The following CAMTA1 variants were observed in gnomAD, a reference collection of about 807,000 sequenced individuals.
CAMTA1 encodes calmodulin binding transcription activator 1.
A neutral mutation model predicts 170.9 loss-of-function variants in CAMTA1; 27 were observed. The ratio of observed to expected loss-of-function variants is 0.16; its 90% CI spans 0.12 to 0.22. The LOEUF is 0.22. CAMTA1 is among the 10% of genes least tolerant of loss of function. The pLI is 1.00. For synonymous variants in CAMTA1, 833 were observed against 891.5 expected (o/e 0.93, Z 1.17); for missense variants, 1,619 against 2,217.2 (o/e 0.73, Z 5.42).
chr1:6,979,995 G>A (rs1293449411), intron 3 of CAMTA1, among the ~76,000 whole-genome samples: 1 of 152,082 alleles, frequency 6.6e-6, no homozygotes, highest in Non-Finnish European at 1.5e-5. Context: ...ATAGAAAAAC[G>A]CACCCCCATC....
rs527378213 is a variant in CAMTA1, at chr1:7,308,544, T to C, written c.438+58918T>C. 2.0e-5 allele frequency among the ~76,000 whole-genome samples: 3 copies of C among 152,328 alleles called. No individual in the cohort carries two copies. In the South Asian group the frequency reaches 6.2e-4, roughly 32 times the overall value. ...GTATCCCACAGATTTTGATACATTA[T>C]ATTTTTATTGTTTGATCAGTTAAAA... On this transcript the variant is annotated intron_variant, in intron 5 of 22. Coordinates refer to ENST00000303635, the MANE Select transcript of CAMTA1 (RefSeq NM_015215.4).
chr1:6,928,219 G>A (rs1232296515), intron 3 of CAMTA1, among the ~76,000 whole-genome samples: 3 of 152,226 alleles, frequency 2.0e-5, no homozygotes, highest in South Asian at 2.1e-4. Flanking sequence ...CCACGCTGCT[G>A]ATGCTAACAG....
At chr1:7,386,588 C>T (rs2088019302) in intron 5 of CAMTA1, among the ~76,000 whole-genome samples, 2 of 152,170 alleles carry the variant, frequency 1.3e-5, no homozygotes, top group South Asian at 4.1e-4. Flanking sequence ...GCAGCGATGC[C>T]TCCCTTCCTC....
At position 7,634,963 on chromosome 1, in the gene CAMTA1, C is replaced by A. The variant is rs1305861421; in HGVS notation, c.511-5437C>A. Among the ~76,000 whole-genome samples the A allele has an allele frequency of 6.6e-6, 1 of 152,138 alleles. No individual in the cohort carries two copies. Among genetic ancestry groups the A allele is most frequent in the East Asian group, 1.9e-4 (1 of 5,162 alleles). On this transcript the variant is annotated intron_variant, in intron 6 of 22. Transcript: ENST00000303635. The surrounding 1 kb of genome is among the most constrained non-coding windows in gnomAD (Gnocchi z 6.2). ...AGGCACCAAGAGGGAGGAGGGATCC[C>A]CTCGTCCACGGCTCTTCCAGAAGGC...
At chr1:7,619,248 G>A (rs548462645) in intron 6 of CAMTA1, among the ~76,000 whole-genome samples, 8 of 152,322 alleles carry the variant, frequency 5.3e-5, no homozygotes, top group African/African-American at 1.9e-4. Flanking sequence ...ACTCAAATTG[G>A]CCTAAGCAAT....
intron 3 of CAMTA1, among the ~76,000 whole-genome samples, chr1:6,943,853 A>G (rs1283243196): frequency 9.5e-6 from 1 of 104,718 alleles, no homozygotes; most frequent in Non-Finnish European, 2.3e-5. Context: ...TCTCAAAAAA[A>G]AAAAAAAAAA....
At position 6,798,119 on chromosome 1, in the gene CAMTA1, C is replaced by G. The variant is rs116098733; in HGVS notation, c.45+12544C>G. Among the ~76,000 whole-genome samples the G allele has an allele frequency of 3.8e-3, 584 of 151,930 alleles. 5 individuals are homozygous for G. Among genetic ancestry groups the G allele is most frequent in the African/African-American group, 0.013 (543 of 41,428 alleles). On this transcript the variant is annotated intron_variant, in intron 1 of 22. Transcript: ENST00000303635. Reference sequence around the variant, plus strand: ...TCAAGCGATTCTCCTGCCTCGCCCCCCAAGTAGCTAGGATTACAGGTGCTG... The same window carrying G: ...TCAAGCGATTCTCCTGCCTCGCCCCGCAAGTAGCTAGGATTACAGGTGCTG...
rs1685004848 is a variant in CAMTA1, at chr1:6,934,680, A to C, written c.234+109470A>C. Among the ~76,000 whole-genome samples the C allele has an allele frequency of 3.5e-5, 5 of 142,674 alleles. No individual in the cohort carries two copies. The highest frequency in any genetic ancestry group is 2.6e-5 in the African/African-American group (1 of 38,036). The allele number at this position is 142,674 out of a possible 152,430, so 93.6% of individuals were successfully genotyped here. A position where few individuals can be genotyped will look rare whatever the true frequency, so the allele number is the denominator to read the frequency against. On this transcript the variant is annotated intron_variant, in intron 3 of 22. Coordinates refer to ENST00000303635, the MANE Select transcript of CAMTA1 (RefSeq NM_015215.4). The surrounding 1 kb of genome is among the most constrained non-coding windows in gnomAD (Gnocchi z 4.5). ...AAATGCCTCCCCTCCCTTCACCACC[A>C]CCCCCTCCCCTCTCTCCCCTCTTAT...
At chr1:7,202,792 C>T (rs141603960) in intron 4 of CAMTA1, among the ~76,000 whole-genome samples, 51 of 152,180 alleles carry the variant, frequency 3.4e-4, no homozygotes, top group African/African-American at 1.0e-3. Flanking sequence ...GGATTCCTCA[C>T]GATTTTCTAA....
chr1:6,806,523 C>T (rs1218717595), intron 1 of CAMTA1, among the ~76,000 whole-genome samples: 1 of 152,176 alleles, frequency 6.6e-6, no homozygotes, highest in Admixed American at 6.5e-5. Context: ...AGCATCTTGC[C>T]TTAAAAACAC....
At chr1:7,087,102 AAG>A (rs1308307568) in intron 3 of CAMTA1, among the ~76,000 whole-genome samples, 2 of 152,274 alleles carry the variant, frequency 1.3e-5, no homozygotes, top group Non-Finnish European at 2.9e-5. Flanking sequence ...TTCCTCTGTC[AAG>A]AGAGATAGAC....
chr1:7,531,838 C>A (rs1473314152), intron 6 of CAMTA1, among the ~76,000 whole-genome samples: 1 of 152,254 alleles, frequency 6.6e-6, no homozygotes, highest in Non-Finnish European at 1.5e-5. Context: ...GGGCAGGTTG[C>A]CCTGTGAGCT....
chr1:7,480,193 G>A (rs1300702103), intron 6 of CAMTA1, among the ~76,000 whole-genome samples: 1 of 121,186 alleles, frequency 8.3e-6, no homozygotes, highest in Non-Finnish European at 1.6e-5. Flanking sequence ...GTGCATGTGT[G>A]TGCATGTGTG....
At chr1:7,154,488 A>G (rs1646753498) in intron 4 of CAMTA1, among the ~76,000 whole-genome samples, 2 of 152,118 alleles carry the variant, frequency 1.3e-5, no homozygotes, top group Middle Eastern at 3.2e-3. Flanking sequence ...GGGCACTTAG[A>G]TCTTTCACTG....
At chr1:7,275,285 A>G (rs1238225513) in intron 5 of CAMTA1, among the ~76,000 whole-genome samples, 6 of 152,102 alleles carry the variant, frequency 3.9e-5, no homozygotes, top group Non-Finnish European at 8.8e-5. Flanking sequence ...CTATATTTAC[A>G]TTAAAATCAG....
rs1381087333 is a variant in CAMTA1, at chr1:6,785,546, G to A, written c.16G>A (p.Gly6Arg). Residue 6 changes from glycine to arginine, a missense_variant, in exon 1 of 23, where the codon GGG becomes AGG. By Grantham distance (125) the Gly-to-Arg change is moderately radical. Coordinates refer to ENST00000303635, the MANE Select transcript of CAMTA1 (RefSeq NM_015215.4). Reference protein sequence around the residue: MWRAEGKWLPKTSRKS... With the variant: MWRAERKWLPKTSRKS... ...GAGGAGGAGGATGTGGCGCGCGGAGGGGAAATGGCTGCCGAAAACAAGCCG... is the reference window on the plus strand; with the variant it reads ...GAGGAGGAGGATGTGGCGCGCGGAGAGGAAATGGCTGCCGAAAACAAGCCG... 3.1e-5 allele frequency: 34 copies of A among 1,080,808 alleles called. No homozygotes were observed. Among genetic ancestry groups the A allele is most frequent in the African/African-American group, 5.2e-5 (3 of 58,060 alleles). 67.0% of individuals were successfully genotyped at this position (1,080,808 alleles called of 1,614,324 possible). A position where few individuals can be genotyped will look rare whatever the true frequency, so the allele number is the denominator to read the frequency against.
rs557826381 is a variant in CAMTA1 at position 6,982,651 on chromosome 1, G to C, written c.235-108653G>C. 2.7e-5 allele frequency among the ~76,000 whole-genome samples: 4 copies of C among 146,550 alleles called. No homozygotes were observed. The South Asian group carries it at 8.3e-4, about 30-fold the overall frequency. ...CCAAAGTCACAGGCAGCATGGCCCC[G>C]GGTTCTGGCTCCCTGTCCCCACGCA... On this transcript the variant is annotated intron_variant, in intron 3 of 22. Coordinates refer to ENST00000303635, the MANE Select transcript of CAMTA1 (RefSeq NM_015215.4).
At chr1:7,545,442 G>A (rs2094679193) in intron 6 of CAMTA1, among the ~76,000 whole-genome samples, 1 of 152,176 alleles carries the variant, frequency 6.6e-6, no homozygotes, top group African/African-American at 2.4e-5. Context: ...AGCATCACGG[G>A]TCACATTTAA....
chr1:7,126,477 AATG>A (rs1401111677), intron 4 of CAMTA1, among the ~76,000 whole-genome samples: 2 of 152,236 alleles, frequency 1.3e-5, no homozygotes, highest in African/African-American at 4.8e-5. Flanking sequence ...TCCTGGATAG[AATG>A]ATAAGATATC....
Sources: gnomAD v4.1 joint callset for allele counts (sites outside exome capture counted in the v4.1 genomes callset) on GRCh38, gnomAD v4.1.1 for gene constraint, Gnocchi (gnomAD v3.1) non-coding constraint, MANE v1.5 for transcripts, NCBI Gene and HGNC (gene_info 2026-07-23, HGNC 2026-07-21) for gene names.